The following PRKAR1B variants were observed in gnomAD, a reference collection of about 807,000 sequenced individuals.
The protein encoded by PRKAR1B is protein kinase cAMP-dependent type I regulatory subunit beta.
Under a neutral mutation model 46.5 loss-of-function variants are expected in PRKAR1B, and 22 were observed. That is an observed-to-expected ratio of 0.47 (90% CI 0.34 to 0.68). The LOEUF (loss-of-function observed/expected upper bound fraction) is 0.68. Ranked by LOEUF, PRKAR1B falls within the 30% of genes least tolerant of loss-of-function variation. The probability of loss-of-function intolerance (pLI) is 0.01; values close to 1 mark genes in which losing one functional copy is unlikely to be tolerated. For synonymous variants in PRKAR1B, 259 were observed against 217.7 expected, an observed-to-expected ratio of 1.19 and a Z score of -1.67; for missense variants, 445 against 535.6, an observed-to-expected ratio of 0.83 and a Z score of 1.67.
intron 4 of PRKAR1B, among the ~76,000 whole-genome samples, chr7:631,647 C>T (rs998591152): frequency 2.6e-5 from 4 of 152,214 alleles, no homozygotes; most frequent in Non-Finnish European, 1.5e-5. Context: ...ACTGGGGATC[C>T]TGTGAGACTC....
intron 4 of PRKAR1B, among the ~76,000 whole-genome samples, chr7:642,251 G>A (rs1784427469): frequency 1.3e-5 from 2 of 152,174 alleles, no homozygotes; most frequent in African/African-American, 4.8e-5. Flanking sequence ...GTGGACGGGG[G>A]TGGAAGTGAG....
chr7:606,110 G>T, intron 6 of PRKAR1B, 83 bp downstream of exon 6: 1 of 1,351,338 alleles, frequency 7.4e-7, no homozygotes, highest in Non-Finnish European at 1.1e-6. Flanking sequence ...TTTGTTGGGG[G>T]CCTGGTGCTG....
At chr7:553,471 G>A (rs976374896) in intron 9 of PRKAR1B, among the ~76,000 whole-genome samples, 6 of 152,274 alleles carry the variant, frequency 3.9e-5, no homozygotes, top group Non-Finnish European at 5.9e-5. Flanking sequence ...TTTTACAGCC[G>A]GGGAAGCTGA....
intron 2 of PRKAR1B, among the ~76,000 whole-genome samples, chr7:693,932 G>C (rs1779583473): frequency 6.6e-6 from 1 of 152,160 alleles, no homozygotes; most frequent in African/African-American, 2.4e-5. Context: ...TTTTGCTTTT[G>C]TTTTTAATAT....
intron 9 of PRKAR1B, among the ~76,000 whole-genome samples, chr7:573,056 C>A (rs1018492577): frequency 2.0e-5 from 3 of 152,196 alleles, no homozygotes; most frequent in Admixed American, 6.5e-5. Flanking sequence ...CTGATGCTGT[C>A]GGTGGCCGCC....
chr7:566,093 T>C (rs1407692854), intron 9 of PRKAR1B, among the ~76,000 whole-genome samples: 2 of 152,188 alleles, frequency 1.3e-5, no homozygotes, highest in African/African-American at 2.4e-5. Flanking sequence ...ATGGAAATGT[T>C]TGAAACAGAG....
At chr7:612,999 TC>T (rs1434173814) in intron 4 of PRKAR1B, among the ~76,000 whole-genome samples, 1 of 152,186 alleles carries the variant, frequency 6.6e-6, no homozygotes, top group Admixed American at 6.5e-5. Context: ...TAAATCACAG[TC>T]CTTCTCAACA....
At chr7:698,557 CAT>C (rs1351236595) in intron 2 of PRKAR1B, among the ~76,000 whole-genome samples, 7 of 152,016 alleles carry the variant, frequency 4.6e-5, no homozygotes, top group Admixed American at 1.3e-4. Flanking sequence ...CAACTAAGTA[CAT>C]GTGTGTGCAC....
At chr7:614,990 T>C (rs900302591) in intron 4 of PRKAR1B, among the ~76,000 whole-genome samples, 4 of 151,672 alleles carry the variant, frequency 2.6e-5, no homozygotes, top group African/African-American at 9.7e-5. Context: ...GGCAGGAGGA[T>C]TGCTTGAGCC....
At position 560,359 on chromosome 7, in the gene PRKAR1B, A is replaced by AAATAATAAT. The variant is rs200894141; in HGVS notation, c.892-8898_892-8890dup. On this transcript the variant is annotated intron_variant, in intron 9 of 10. Transcript: ENST00000537384. This position sits in a 1 kb window ranked among gnomAD's most constrained non-coding sequence, Gnocchi z 4.2. ...TAGCAGTGTTAGAATGAACTAATACAAATAATAATAATAATAATAATAATA... is the reference window on the plus strand; with the variant it reads ...TAGCAGTGTTAGAATGAACTAATACAAATAATAATAATAATAATAATAATAATAATAATA... Among the ~76,000 whole-genome samples the AAATAATAAT allele has an allele frequency of 3.6e-3, 526 of 146,556 alleles. 1 individual carries two copies. The highest frequency in any genetic ancestry group is 0.016 in the East Asian group (83 of 5,054).
At chr7:718,113 C>A (rs978353670) in intron 1 of PRKAR1B, among the ~76,000 whole-genome samples, 1 of 151,986 alleles carries the variant, frequency 6.6e-6, no homozygotes, top group Admixed American at 6.6e-5. Context: ...CACTTGGGAA[C>A]GGTCCCTTCC....
Position 615,155 on chromosome 7 carries a change from G to A in PRKAR1B, c.441-7703C>T, listed in dbSNP as rs564495581. 1.1e-4 allele frequency among the ~76,000 whole-genome samples: 16 copies of A among 152,274 alleles called. No individual in the cohort carries two copies. In the South Asian group the frequency reaches 3.1e-3, roughly 30 times the overall value. On this transcript the variant is annotated intron_variant, in intron 4 of 10. Coordinates refer to ENST00000537384, the MANE Select transcript of PRKAR1B (RefSeq NM_001164760.2). Reference sequence around the variant, plus strand: ...AAAGAGAGAAAGAAGGCCAGGTGCAGTGGCTCACACTTGTAATCCCAGCAC... The same window carrying A: ...AAAGAGAGAAAGAAGGCCAGGTGCAATGGCTCACACTTGTAATCCCAGCAC...
chr7:653,722 C>T (rs567488658), intron 4 of PRKAR1B, among the ~76,000 whole-genome samples: 1 of 152,324 alleles, frequency 6.6e-6, no homozygotes, highest in East Asian at 1.9e-4. Flanking sequence ...GGAGAATCAA[C>T]TCCAACATCC....
intron 2 of PRKAR1B, among the ~76,000 whole-genome samples, chr7:709,108 T>TAAAAAAAA (rs67191707): frequency 7.1e-5 from 5 of 70,208 alleles, no homozygotes; most frequent in East Asian, 4.9e-4. Context: ...TATTTAATAC[T>TAAAAAAAA]AAAAAAAAAA....
intron 4 of PRKAR1B, among the ~76,000 whole-genome samples, chr7:636,420 A>ACACGTCCTCCACCGGCCGCGCCCT (rs1416820638): frequency 0.036 from 1,818 of 49,924 alleles, 107 homozygotes; most frequent in African/African-American, 0.045. Context: ...GGCCGCGCCC[A>ACACGTCCTCCACCGGCCGCGCCCT]CACGTCCTCC....
intron 4 of PRKAR1B, among the ~76,000 whole-genome samples, chr7:650,888 T>C (rs572595616): frequency 3.3e-5 from 5 of 152,182 alleles, no homozygotes; most frequent in African/African-American, 1.2e-4. Context: ...GGCGGATGCC[T>C]GCGGGACTCA....
intron 4 of PRKAR1B, among the ~76,000 whole-genome samples, chr7:663,155 G>A (rs554270417): frequency 6.6e-6 from 1 of 152,280 alleles, no homozygotes; most frequent in Admixed American, 6.5e-5. Context: ...CTTCCTCAGT[G>A]GTCCAGCAGC....
intron 4 of PRKAR1B, among the ~76,000 whole-genome samples, chr7:618,406 C>T (rs112448497): frequency 0.078 from 11,809 of 152,280 alleles, 513 homozygotes; most frequent in Middle Eastern, 0.11. Flanking sequence ...ATAGCCCTCT[C>T]GGTCTGTGGG....
At chr7:641,252 G>A (rs894939120) in intron 4 of PRKAR1B, among the ~76,000 whole-genome samples, 1 of 152,054 alleles carries the variant, frequency 6.6e-6, no homozygotes, top group Non-Finnish European at 1.5e-5. Context: ...GCGCCCGGCC[G>A]GAAAAGAGAA....
Sources: gnomAD v4.1 joint callset for allele counts (sites outside exome capture counted in the v4.1 genomes callset) on GRCh38, gnomAD v4.1.1 for gene constraint, Gnocchi (gnomAD v3.1) non-coding constraint, MANE v1.5 for transcripts, NCBI Gene and HGNC (gene_info 2026-07-23, HGNC 2026-07-21) for gene names.